Variants in HIVEP3 observed in about 807,000 individuals in gnomAD.
The protein encoded by HIVEP3 is HIVEP zinc finger 3, also known as transcription factor HIVEP3.
HIVEP3 carries 49 observed loss-of-function variants against 152.8 expected under a neutral mutation model. The observed-to-expected ratio is 0.32, with a 90% CI of 0.26 to 0.41. The LOEUF (loss-of-function observed/expected upper bound fraction) is 0.41, where lower values mean the gene tolerates loss of function less well. Ranked by LOEUF, HIVEP3 falls within the 10% of genes least tolerant of loss-of-function variation. The probability of loss-of-function intolerance (pLI) is 1.00; values close to 1 mark genes in which losing one functional copy is unlikely to be tolerated. For synonymous variants in HIVEP3, 1,269 were observed against 1,289.0 expected, an observed-to-expected ratio of 0.98 and a Z score of 0.33; for missense variants, 2,790 against 3,103.3, an observed-to-expected ratio of 0.90 and a Z score of 2.40.
intron 1 of HIVEP3, among the ~76,000 whole-genome samples, chr1:41,994,042 A>C (rs865961786): frequency 0.011 from 1,728 of 150,270 alleles, 31 homozygotes; most frequent in African/African-American, 0.041. Flanking sequence ...GGAGATATAC[A>C]TAATGCTAGA....
chr1:41,884,394 G>A (rs891410580), intron 1 of HIVEP3, among the ~76,000 whole-genome samples: 18 of 152,202 alleles, frequency 1.2e-4, no homozygotes, highest in Non-Finnish European at 5.9e-5. Context: ...CATGCAACCT[G>A]CCACCTGGGA....
intron 1 of HIVEP3, among the ~76,000 whole-genome samples, chr1:41,952,789 T>C (rs1217242483): frequency 6.6e-6 from 1 of 152,226 alleles, no homozygotes; most frequent in Non-Finnish European, 1.5e-5. Context: ...AATCCTATTA[T>C]TCATATTACT....
chr1:41,696,803 C>T (rs1213290046), intron 2 of HIVEP3, among the ~76,000 whole-genome samples: 2 of 152,170 alleles, frequency 1.3e-5, no homozygotes, highest in East Asian at 3.8e-4. Context: ...GAGGAATTCA[C>T]TAAATAGCCC....
intron 2 of HIVEP3, among the ~76,000 whole-genome samples, chr1:41,633,110 C>T (rs1645219724): frequency 6.6e-6 from 1 of 152,092 alleles, no homozygotes; most frequent in Admixed American, 6.5e-5. Context: ...CAGAGGGCTG[C>T]CCACCACACC....
intron 1 of HIVEP3, among the ~76,000 whole-genome samples, chr1:41,998,835 G>T (rs987331336): frequency 1.2e-4 from 17 of 146,332 alleles, no homozygotes; most frequent in East Asian, 2.1e-4. Flanking sequence ...TATTTTGATA[G>T]CATCTACATA....
intron 1 of HIVEP3, among the ~76,000 whole-genome samples, chr1:42,026,158 G>C (rs897424832): frequency 6.6e-6 from 1 of 151,996 alleles, no homozygotes. Context: ...TCAGTACCAG[G>C]GCAACCTCCC....
At position 41,918,080 on chromosome 1, in the gene HIVEP3, A is replaced by G. The variant is rs1233882214; in HGVS notation, c.-801+333T>C. Among the ~76,000 whole-genome samples, 1 of 152,178 alleles carries G rather than the reference A, an allele frequency of 6.6e-6. No individual in the cohort carries two copies. Among genetic ancestry groups the G allele is most frequent in the Admixed American group, 6.5e-5 (1 of 15,278 alleles). ...CAGAGCCTGCTGCAAGCAGCGCTGG[A>G]GCGCACGGCGCGCATAGGGTTACAG... On this transcript the variant is annotated intron_variant, in intron 1 of 8. Transcript: ENST00000372583. This position sits in a 1 kb window ranked among gnomAD's most constrained non-coding sequence, Gnocchi z 4.3.
intron 1 of HIVEP3, among the ~76,000 whole-genome samples, chr1:41,963,376 C>T (rs560018913): frequency 3.3e-5 from 5 of 151,996 alleles, no homozygotes; most frequent in Admixed American, 6.6e-5. Flanking sequence ...TTTATCCTTG[C>T]GATAGTTTGC....
chr1:41,590,627 T>C (rs751345014), intron 3 of HIVEP3, among the ~76,000 whole-genome samples: 78 of 152,302 alleles, frequency 5.1e-4, no homozygotes, highest in Non-Finnish European at 1.1e-3. Flanking sequence ...TGTTACTTGG[T>C]CCCTTTTGGA....
At chr1:41,936,099 T>TA (rs1645018869) in intron 1 of HIVEP3, among the ~76,000 whole-genome samples, 1 of 151,998 alleles carries the variant, frequency 6.6e-6, no homozygotes, top group African/African-American at 2.4e-5. Flanking sequence ...CAAGGAGAAG[T>TA]AGTCAATTCA....
chr1:41,931,862 G>A (rs551706109), intron 1 of HIVEP3, among the ~76,000 whole-genome samples: 14 of 151,830 alleles, frequency 9.2e-5, no homozygotes, highest in African/African-American at 2.9e-4. Context: ...ATGATCCTTC[G>A]GGTTTTTCTA....
chr1:41,976,384 C>A (rs896234206), intron 1 of HIVEP3, among the ~76,000 whole-genome samples: 18 of 152,208 alleles, frequency 1.2e-4, no homozygotes, highest in Non-Finnish European at 5.9e-5. Flanking sequence ...AACTCCCAAT[C>A]CTTAGCCTGC....
At chr1:41,814,038 G>A (rs1009954832) in intron 1 of HIVEP3, among the ~76,000 whole-genome samples, 1 of 152,204 alleles carries the variant, frequency 6.6e-6, no homozygotes, top group African/African-American at 2.4e-5. Context: ...CCATCCTCCA[G>A]TGGTGGGGGC....
intron 2 of HIVEP3, among the ~76,000 whole-genome samples, chr1:41,633,985 G>C (rs1054857432): frequency 1.3e-5 from 2 of 152,160 alleles, no homozygotes; most frequent in African/African-American, 4.8e-5. Context: ...TTTGGTATCT[G>C]CATCATTTAC....
intron 3 of HIVEP3, among the ~76,000 whole-genome samples, chr1:41,614,942 A>G (rs1287654659): frequency 6.6e-6 from 1 of 152,090 alleles, no homozygotes; most frequent in African/African-American, 2.4e-5. Flanking sequence ...CATCCTCCCA[A>G]TACTTCCGGG....
intron 1 of HIVEP3, among the ~76,000 whole-genome samples, chr1:42,012,790 G>A (rs972500213): frequency 6.6e-6 from 1 of 152,120 alleles, no homozygotes; most frequent in Admixed American, 6.5e-5. Flanking sequence ...CAGGAAGAGG[G>A]CCCTCACCAG....
rs1553130061 is a variant in HIVEP3 at position 41,893,910 on chromosome 1, T to TA, written c.-801+24502_-801+24503insT. ...AATATGCATATATAATATTTATTTT[T>TA]TATATATATATATATAAATTGTCTT... On this transcript the variant is annotated intron_variant, in intron 1 of 8. Coordinates refer to ENST00000372583, the MANE Select transcript of HIVEP3 (RefSeq NM_024503.5). Among the ~76,000 whole-genome samples, 900 of 145,228 alleles carry TA rather than the reference T, an allele frequency of 6.2e-3. 7 individuals carry two copies. The highest frequency in any genetic ancestry group is 0.021 in the African/African-American group (808 of 39,070).
intron 1 of HIVEP3, among the ~76,000 whole-genome samples, chr1:41,742,923 G>A (rs998959345): frequency 6.6e-6 from 1 of 152,188 alleles, no homozygotes; most frequent in Non-Finnish European, 1.5e-5. Flanking sequence ...GTGTGGTGTG[G>A]AACGAGTTGC....
intron 1 of HIVEP3, among the ~76,000 whole-genome samples, chr1:41,902,036 A>G (rs1644633265): frequency 6.6e-6 from 1 of 152,062 alleles, no homozygotes; most frequent in Non-Finnish European, 1.5e-5. Context: ...TCTGGCTAAG[A>G]AGTGAGGAGG....
Sources: gnomAD v4.1 joint callset for allele counts (sites outside exome capture counted in the v4.1 genomes callset) on GRCh38, gnomAD v4.1.1 for gene constraint, Gnocchi (gnomAD v3.1) non-coding constraint, MANE v1.5 for transcripts, NCBI Gene and HGNC (gene_info 2026-07-23, HGNC 2026-07-21) for gene names.